The following PRDM16 variants were observed in gnomAD, a reference collection of about 807,000 sequenced individuals.
PRDM16 encodes the protein PR/SET domain 16.
In PRDM16, 23 loss-of-function variants were observed where a neutral mutation model predicts 110.6. The ratio of observed to expected loss-of-function variants is 0.21; its 90% CI spans 0.15 to 0.29. The LOEUF (loss-of-function observed/expected upper bound fraction) is 0.29, where lower values mean the gene tolerates loss of function less well. Ranked by LOEUF, PRDM16 falls within the 10% of genes least tolerant of loss-of-function variation. The probability of loss-of-function intolerance (pLI) is 1.00; values close to 1 mark genes in which losing one functional copy is unlikely to be tolerated. For synonymous variants in PRDM16, 799 were observed against 781.8 expected (o/e 1.02, Z -0.37); for missense variants, 1,615 against 1,794.3 (o/e 0.90, Z 1.81).
intron 1 of PRDM16, among the ~76,000 whole-genome samples, chr1:3,094,916 G>A (rs2100605183): frequency 6.6e-6 from 1 of 152,322 alleles, no homozygotes; most frequent in Non-Finnish European, 1.5e-5. Context: ...GACGTGGATG[G>A]AGCCACACAG....
At chr1:3,146,834 T>C (rs1208174024) in intron 1 of PRDM16, among the ~76,000 whole-genome samples, 5 of 126,734 alleles carry the variant, frequency 3.9e-5, no homozygotes, top group East Asian at 2.6e-4. Context: ...AGTGTGTGTG[T>C]GCACACGTGT....
intron 1 of PRDM16, among the ~76,000 whole-genome samples, chr1:3,166,917 T>C (rs906497230): frequency 6.6e-6 from 1 of 152,208 alleles, no homozygotes; most frequent in Admixed American, 6.5e-5. Context: ...GTTTTTCTCC[T>C]GCTGCATAGA....
chr1:3,084,413 C>T (rs1642103426), intron 1 of PRDM16, among the ~76,000 whole-genome samples: 1 of 152,220 alleles, frequency 6.6e-6, no homozygotes, highest in South Asian at 2.1e-4. Context: ...CCGGAGAGAG[C>T]CTCTCCACAG....
At chr1:3,194,594 T>G (rs1412342354) in intron 2 of PRDM16, among the ~76,000 whole-genome samples, 5 of 148,088 alleles carry the variant, frequency 3.4e-5, no homozygotes. Context: ...CGCCACCGTC[T>G]CCCCACCACA....
Position 3,436,545 on chromosome 1 carries a change from C to G in PRDM16, c.*2734C>G. 1 of 231,454 alleles carries G rather than the reference C, an allele frequency of 4.3e-6. No homozygotes were observed. The highest frequency in any genetic ancestry group is 8.6e-6 in the Non-Finnish European group (1 of 116,914). The allele number at this position is 231,454 out of a possible 1,614,324, so 14.3% of individuals were successfully genotyped here. Reference sequence around the variant, plus strand: ...GAGGCCCTGTTCTTAGAGCCCCTGACAAAGGCAGCACTTATTTCCTGGGCT... The same window carrying G: ...GAGGCCCTGTTCTTAGAGCCCCTGAGAAAGGCAGCACTTATTTCCTGGGCT... On this transcript the variant is annotated 3_prime_UTR_variant, in exon 17 of 17. Transcript: ENST00000270722.
chr1:3,167,344 T>G (rs2100753471), intron 1 of PRDM16, among the ~76,000 whole-genome samples: 1 of 152,238 alleles, frequency 6.6e-6, no homozygotes, highest in Non-Finnish European at 1.5e-5. Context: ...TCAAAGCTGC[T>G]CCCAGTTTTC....
rs75432202 is a variant in PRDM16 at position 3,291,933 on chromosome 1, C to T, written c.438+47796C>T. Among the ~76,000 whole-genome samples, 208 of 152,340 alleles carry T rather than the reference C, an allele frequency of 1.4e-3. 1 individual carries two copies. Among genetic ancestry groups the T allele is most frequent in the African/African-American group, 4.7e-3 (195 of 41,596 alleles). ...CCCAGGGCCCCTCCTGGGCCTGTCT[C>T]CCCCCACACAGCAGGTGCCTTCTCC... On this transcript the variant is annotated intron_variant, in intron 3 of 16. Transcript: ENST00000270722.
rs1287714255 is a variant in PRDM16, at chr1:3,208,719, C to T, written c.387+22245C>T. On this transcript the variant is annotated intron_variant, in intron 2 of 16. Coordinates refer to ENST00000270722, the MANE Select transcript of PRDM16 (RefSeq NM_022114.4). This position sits in a 1 kb window ranked among gnomAD's most constrained non-coding sequence, Gnocchi z 6.1. Reference sequence around the variant, plus strand: ...GAAAAGAAAGTGTCTCCAGATATCTCCGCCAGGTGTCTGCCTGGGCAGCAG... The same window carrying T: ...GAAAAGAAAGTGTCTCCAGATATCTTCGCCAGGTGTCTGCCTGGGCAGCAG... 6.6e-6 allele frequency: 1 copy of T among 152,218 alleles called. No individual in the cohort carries two copies. Among genetic ancestry groups the T allele is most frequent in the Admixed American group, 6.5e-5 (1 of 15,284 alleles). The allele number at this position is 152,218 out of a possible 1,614,324, so 9.4% of individuals were successfully genotyped here.
At chr1:3,317,052 T>C (rs1318887055) in intron 3 of PRDM16, among the ~76,000 whole-genome samples, 3 of 152,102 alleles carry the variant, frequency 2.0e-5, no homozygotes, top group Non-Finnish European at 4.4e-5. Flanking sequence ...AGGGACTCAG[T>C]GTAGCCAGAA....
At chr1:3,083,032 T>C (rs1383892263) in intron 1 of PRDM16, among the ~76,000 whole-genome samples, 1 of 152,194 alleles carries the variant, frequency 6.6e-6, no homozygotes, top group East Asian at 1.9e-4. Context: ...CGCTCGCCTG[T>C]GGCTCTGATT....
intron 3 of PRDM16, among the ~76,000 whole-genome samples, chr1:3,325,890 C>T (rs2500270): frequency 0.36 from 54,647 of 150,912 alleles, 10,718 homozygotes; most frequent in Middle Eastern, 0.5. Flanking sequence ...CATTCTTGGC[C>T]ATCCTTGGCC....
At chr1:3,351,022 TG>T (rs1642469750) in intron 3 of PRDM16, among the ~76,000 whole-genome samples, 2 of 152,174 alleles carry the variant, frequency 1.3e-5, no homozygotes, top group African/African-American at 4.8e-5. Flanking sequence ...GCAGAGCTGC[TG>T]GTTGGCGGCC....
At chr1:3,360,049 C>T (rs1407836345) in intron 3 of PRDM16, among the ~76,000 whole-genome samples, 1 of 152,266 alleles carries the variant, frequency 6.6e-6, no homozygotes, top group Non-Finnish European at 1.5e-5. Flanking sequence ...CATCCCTTGT[C>T]CCCAACTGTC....
intron 12 of PRDM16, 113 bp downstream of exon 12, chr1:3,418,857 G>T: frequency 2.5e-6 from 2 of 807,936 alleles, no homozygotes; most frequent in Non-Finnish European, 4.2e-6. Flanking sequence ...GAGTGAGCAG[G>T]CAGTGGGCAG....
intron 2 of PRDM16, among the ~76,000 whole-genome samples, chr1:3,196,969 C>T (rs1264153047): frequency 6.6e-6 from 1 of 152,178 alleles, no homozygotes; most frequent in East Asian, 1.9e-4. Flanking sequence ...CCACTGTTGC[C>T]CAGGGGGGTC....
intron 3 of PRDM16, among the ~76,000 whole-genome samples, chr1:3,293,281 C>T (rs1641017668): frequency 6.6e-6 from 1 of 152,260 alleles, no homozygotes; most frequent in South Asian, 2.1e-4. Context: ...GGGGTTCCCT[C>T]TCCACCTGAG....
At chr1:3,115,116 C>T (rs1045357405) in intron 1 of PRDM16, among the ~76,000 whole-genome samples, 3 of 152,370 alleles carry the variant, frequency 2.0e-5, no homozygotes, top group South Asian at 2.1e-4. Context: ...TGCCCTGCCC[C>T]GCTCCTCCCA....
In PRDM16 at chr1:3,407,070, G is replaced by A. The variant is rs1018314021; in HGVS notation, c.1186+1422G>A. Among the ~76,000 whole-genome samples the A allele has an allele frequency of 2.0e-5, 3 of 152,380 alleles. No homozygotes were observed. The East Asian group carries it at 5.8e-4, about 29-fold the overall frequency. On this transcript the variant is annotated intron_variant, in intron 8 of 16. Coordinates refer to ENST00000270722, the MANE Select transcript of PRDM16 (RefSeq NM_022114.4). The stretch of plus-strand genomic sequence containing the variant: ...CCTGGCTCCTGGCCCCCGGCTGGGT[G>A]ATTTGAACCTTCCAGGCTCCGTTGC...
intron 1 of PRDM16, among the ~76,000 whole-genome samples, chr1:3,122,766 A>G (rs1643121593): frequency 1.3e-5 from 2 of 152,142 alleles, no homozygotes. Context: ...TAATTTAATA[A>G]GGGGTGGGAG....
Sources: gnomAD v4.1 joint callset for allele counts (sites outside exome capture counted in the v4.1 genomes callset) on GRCh38, gnomAD v4.1.1 for gene constraint, Gnocchi (gnomAD v3.1) non-coding constraint, MANE v1.5 for transcripts, NCBI Gene and HGNC (gene_info 2026-07-23, HGNC 2026-07-21) for gene names.